WDFY4: variants seen among roughly 807,000 people sequenced by gnomAD.
The protein encoded by WDFY4 is WD repeat- and FYVE domain-containing protein 4.
WDFY4 carries 169 observed loss-of-function variants against 351.9 expected under a neutral mutation model. The ratio of observed to expected loss-of-function variants is 0.48; its 90% CI spans 0.42 to 0.55. The LOEUF (loss-of-function observed/expected upper bound fraction) is 0.55, where lower values mean the gene tolerates loss of function less well. Among genes scored for constraint, WDFY4 ranks in the 20% least tolerant of loss-of-function variants. The pLI, the probability that WDFY4 is intolerant of heterozygous loss-of-function variation, is 0.00. For synonymous variants in WDFY4, 1,622 were observed against 1,574.6 expected (o/e 1.03, Z -0.71); for missense variants, 3,803 against 3,935.6 (o/e 0.97, Z 0.90).
chr10:48,808,300 A>G (rs1311190213), intron 28 of WDFY4, among the ~76,000 whole-genome samples: 1 of 152,236 alleles, frequency 6.6e-6, no homozygotes, highest in Non-Finnish European at 1.5e-5. Flanking sequence ...CAATAGAATG[A>G]AGAAATCGTG....
chr10:48,899,932 G>A (rs1042928589), intron 45 of WDFY4, among the ~76,000 whole-genome samples: 1 of 152,174 alleles, frequency 6.6e-6, no homozygotes, highest in Non-Finnish European at 1.5e-5. Context: ...AGGATGGCAT[G>A]GGTGCTTTCT....
At chr10:48,787,291 A>G (rs1281915080) in intron 20 of WDFY4, among the ~76,000 whole-genome samples, 2 of 152,238 alleles carry the variant, frequency 1.3e-5, no homozygotes, top group East Asian at 3.8e-4. Flanking sequence ...TGCTCTGTCA[A>G]GTCAAAGGGG....
intron 17 of WDFY4, among the ~76,000 whole-genome samples, chr10:48,778,373 A>T (rs2066105215): frequency 6.6e-6 from 1 of 152,234 alleles, no homozygotes; most frequent in African/African-American, 2.4e-5. Flanking sequence ...CACAGAGCAC[A>T]CTGCCTGGCT....
At chr10:48,971,082 T>C (rs899401830) in intron 57 of WDFY4, among the ~76,000 whole-genome samples, 5 of 152,186 alleles carry the variant, frequency 3.3e-5, no homozygotes, top group Non-Finnish European at 5.9e-5. Flanking sequence ...CAAAACCCCA[T>C]GCGCTCTCCC....
intron 49 of WDFY4, among the ~76,000 whole-genome samples, chr10:48,945,235 G>T (rs540598568): frequency 6.6e-6 from 1 of 152,236 alleles, no homozygotes; most frequent in East Asian, 1.9e-4. Flanking sequence ...AATTAGCGAG[G>T]CATGGTGGCA....
rs868408485 is a variant in WDFY4 at position 48,913,925 on chromosome 10, C to T, written c.7586+12062C>T. The T allele has an allele frequency of 2.5e-6, 4 of 1,613,956 alleles. No individual in the cohort carries two copies. In the Admixed American group the frequency reaches 5.0e-5, roughly 20 times the overall value. ...CTATGTAGTTGCTGTGCAGGTCCAG[C>T]CACCGGAGGTTCTGGAACTTGGAGA... On this transcript the variant is annotated intron_variant, in intron 47 of 61. Transcript: ENST00000325239.
chr10:48,692,520 T>C (rs772631645), intron 1 of WDFY4, among the ~76,000 whole-genome samples: 2 of 152,274 alleles, frequency 1.3e-5, no homozygotes, highest in Non-Finnish European at 2.9e-5. Context: ...CAAAGTGCTT[T>C]AATTAAATGA....
rs1702556135 is a variant in WDFY4, at chr10:48,685,520, C to T, written c.-18+519C>T. 2.6e-5 allele frequency among the ~76,000 whole-genome samples: 4 copies of T among 152,238 alleles called. No individual in the cohort carries two copies. In the South Asian group the frequency reaches 8.3e-4, roughly 32 times the overall value. On this transcript the variant is annotated intron_variant, in intron 1 of 61. Transcript: ENST00000325239. ...GGTCTATCCCGGCCCTGTCATTACT[C>T]CACTGGGTTCTGGTAAGTAGGTGCC...
rs1391553098 is a variant in WDFY4, at chr10:48,873,643, G to A, written c.6894G>A (p.Arg2298=). The A allele has an allele frequency of 2.6e-6, 4 of 1,551,866 alleles. No individual in the cohort carries two copies. The highest frequency in any genetic ancestry group is 3.5e-6 in the Non-Finnish European group (4 of 1,147,028). Residue 2298 remains arginine (R), a synonymous_variant, in exon 41 of 62, where the codon AGG becomes AGA. Transcript: ENST00000325239. ...LDWREGPARM[R]KRIKRLSPLE... is the part of the protein sequence containing the mutation. The stretch of plus-strand genomic sequence containing the variant: ...GGAGAGAAGGACCAGCTCGAATGAG[G>A]AAACGCATCAAACGCTTGTCTCCTT...
chr10:48,858,261 T>C (rs1384821229), intron 39 of WDFY4, among the ~76,000 whole-genome samples: 3 of 152,246 alleles, frequency 2.0e-5, no homozygotes. Flanking sequence ...TTTTTCTTTT[T>C]ACAAATGGCA....
intron 28 of WDFY4, among the ~76,000 whole-genome samples, chr10:48,809,517 C>G (rs2067377425): frequency 6.6e-6 from 1 of 151,098 alleles, no homozygotes; most frequent in South Asian, 2.1e-4. Context: ...AACATCATCA[C>G]CATCACCACC....
chr10:48,910,369 G>T (rs1160670094), intron 47 of WDFY4: 2 of 918,376 alleles, frequency 2.2e-6, no homozygotes, highest in Non-Finnish European at 3.6e-6. Context: ...CCTTCAGGAT[G>T]GTCAGGTTAG....
At chr10:48,817,537 A>G (rs756117005) in intron 32 of WDFY4, 128 bp downstream of exon 32, 32 of 1,200,974 alleles carry the variant, frequency 2.7e-5, no homozygotes, top group African/African-American at 4.6e-5. Flanking sequence ...TGAGCGGAAC[A>G]TTGAATAAGC....
intron 33 of WDFY4, 128 bp downstream of exon 33, chr10:48,820,565 A>T: frequency 9.6e-7 from 1 of 1,042,856 alleles, no homozygotes; most frequent in Non-Finnish European, 1.4e-6. Context: ...GGAATCTGTG[A>T]ACCATGGGCC....
At chr10:48,969,037 A>G in intron 55 of WDFY4, 27 bp from the exon 56 acceptor site, 1 of 1,546,818 alleles carries the variant, frequency 6.5e-7, no homozygotes, top group Non-Finnish European at 8.7e-7. Context: ...TTCCATGCAT[A>G]AGTTCGCCAT....
At chr10:48,881,102 CTCTG>C (rs1466221395) in intron 43 of WDFY4, among the ~76,000 whole-genome samples, 2 of 152,238 alleles carry the variant, frequency 1.3e-5, no homozygotes, top group Non-Finnish European at 2.9e-5. Flanking sequence ...GGGGCTGTGT[CTCTG>C]TCTGAGACTG....
chr10:48,929,483 G>A (rs1440680094), intron 47 of WDFY4, among the ~76,000 whole-genome samples: 1 of 152,122 alleles, frequency 6.6e-6, no homozygotes, highest in Non-Finnish European at 1.5e-5. Flanking sequence ...GATTGGGTGG[G>A]TTAGAGGCTG....
intron 13 of WDFY4, among the ~76,000 whole-genome samples, chr10:48,765,708 C>A (rs893822097): frequency 1.3e-5 from 2 of 152,174 alleles, no homozygotes; most frequent in African/African-American, 4.8e-5. Context: ...CTCCTGCCCC[C>A]CACCAAGTTA....
At chr10:48,687,773 C>T (rs938576757) in intron 1 of WDFY4, among the ~76,000 whole-genome samples, 9 of 146,322 alleles carry the variant, frequency 6.2e-5, no homozygotes, top group African/African-American at 2.3e-4. Context: ...TGCCACCACA[C>T]CTGGCTAATT....
Sources: allele counts gnomAD v4.1 joint callset (sites outside exome capture counted in the v4.1 genomes callset), GRCh38; gene constraint gnomAD v4.1.1; transcripts MANE v1.5; gene names NCBI Gene and HGNC (gene_info 2026-07-23, HGNC 2026-07-21).